GALNTL6: variants seen among roughly 807,000 people sequenced by gnomAD.
The protein encoded by GALNTL6 is polypeptide N-acetylgalactosaminyltransferase-like 6.
GALNTL6 carries 46 observed loss-of-function variants against 73.7 expected under a neutral mutation model. The observed-to-expected ratio is 0.62, with a 90% confidence interval of 0.49 to 0.80. The LOEUF is 0.80. Among genes scored for constraint, GALNTL6 ranks in the 30% least tolerant of loss-of-function variants. GALNTL6 has a pLI of 0.00. For synonymous variants in GALNTL6, 259 were observed against 263.7 expected, an observed-to-expected ratio of 0.98 and a Z score of 0.17; for missense variants, 604 against 755.0, an observed-to-expected ratio of 0.80 and a Z score of 2.34.
chr4:172,860,112 CAA>C (rs1196373880), intron 7 of GALNTL6, among the ~76,000 whole-genome samples: 2 of 152,134 alleles, frequency 1.3e-5, no homozygotes, highest in Non-Finnish European at 2.9e-5. Flanking sequence ...TCCCTGGTGC[CAA>C]AAGTTGGGGA....
intron 2 of GALNTL6, among the ~76,000 whole-genome samples, chr4:172,004,113 C>T (rs1740757389): frequency 6.6e-6 from 1 of 152,132 alleles, no homozygotes; most frequent in South Asian, 2.1e-4. Flanking sequence ...CTTTCAAGCT[C>T]TAGCTTCAAG....
At chr4:171,911,175 A>G (rs1737465318) in intron 2 of GALNTL6, among the ~76,000 whole-genome samples, 1 of 152,070 alleles carries the variant, frequency 6.6e-6, no homozygotes, top group African/African-American at 2.4e-5. Context: ...TTTCTTTTTT[A>G]TAGAGACAGA....
At chr4:172,284,669 T>G (rs746718877) in intron 3 of GALNTL6, among the ~76,000 whole-genome samples, 14 of 152,194 alleles carry the variant, frequency 9.2e-5, no homozygotes, top group Non-Finnish European at 2.1e-4. Context: ...TTGTGTATGG[T>G]GAGAGATTTG....
intron 5 of GALNTL6, among the ~76,000 whole-genome samples, chr4:172,513,827 T>A (rs1734510162): frequency 6.6e-6 from 1 of 152,102 alleles, no homozygotes; most frequent in African/African-American, 2.4e-5. Flanking sequence ...TGGAGTGAGG[T>A]GGACTCTGTG....
At chr4:172,991,550 C>T (rs1751546353) in intron 10 of GALNTL6, among the ~76,000 whole-genome samples, 1 of 151,978 alleles carries the variant, frequency 6.6e-6, no homozygotes, top group Admixed American at 6.6e-5. Flanking sequence ...CAGGGGCATG[C>T]CACCACACTC....
chr4:172,893,775 C>T (rs1746176527), intron 8 of GALNTL6, among the ~76,000 whole-genome samples: 2 of 152,190 alleles, frequency 1.3e-5, no homozygotes, highest in African/African-American at 2.4e-5. Flanking sequence ...GCAGTGTGCA[C>T]GGCAAAACCT....
intron 10 of GALNTL6, among the ~76,000 whole-genome samples, chr4:173,005,660 G>A (rs1163002628): frequency 3.9e-5 from 6 of 152,214 alleles, no homozygotes; most frequent in Non-Finnish European, 7.3e-5. Flanking sequence ...CTGGAGAGAA[G>A]CAGGTGGACA....
chr4:172,550,985 T>C (rs981492160), intron 5 of GALNTL6, among the ~76,000 whole-genome samples: 1 of 152,172 alleles, frequency 6.6e-6, no homozygotes, highest in East Asian at 1.9e-4. Context: ...TACTAAACTG[T>C]GGACAGGGTT....
intron 5 of GALNTL6, chr4:172,667,509 ATGT>A (rs1731737296): frequency 1.3e-5 from 2 of 152,124 alleles, no homozygotes; most frequent in Non-Finnish European, 2.9e-5. Context: ...AGGCTCATTC[ATGT>A]TGTTGGCAGA....
chr4:172,799,884 G>T (rs1740518302), intron 5 of GALNTL6, among the ~76,000 whole-genome samples: 1 of 152,110 alleles, frequency 6.6e-6, no homozygotes, highest in African/African-American at 2.4e-5. Context: ...ACCAACTGAT[G>T]AATGGATAAA....
chr4:172,728,846 A>T (rs2111382726), intron 5 of GALNTL6, among the ~76,000 whole-genome samples: 1 of 152,304 alleles, frequency 6.6e-6, no homozygotes, highest in South Asian at 2.1e-4. Flanking sequence ...CACTTAGCGT[A>T]TGAAGGTTGC....
At chr4:172,724,776 AT>A (rs201218791) in intron 5 of GALNTL6, among the ~76,000 whole-genome samples, 1,736 of 152,306 alleles carry the variant, frequency 0.011, 10 homozygotes, top group Non-Finnish European at 0.019. Flanking sequence ...AAAAATAGAA[AT>A]GATTCAGAAA....
intron 8 of GALNTL6, among the ~76,000 whole-genome samples, chr4:172,890,363 G>C (rs532444193): frequency 3.0e-4 from 46 of 151,886 alleles, no homozygotes; most frequent in Admixed American, 5.2e-4. Context: ...ATTTAATGTA[G>C]GTATTCAGAG....
chr4:172,430,307 AAGAG>A (rs945989671), intron 5 of GALNTL6, among the ~76,000 whole-genome samples: 6 of 151,862 alleles, frequency 4.0e-5, no homozygotes, highest in Admixed American at 1.3e-4. Context: ...GAGAGACAGA[AAGAG>A]AGAGAGAGAA....
At chr4:172,534,582 T>G (rs1309008919) in intron 5 of GALNTL6, among the ~76,000 whole-genome samples, 1 of 152,116 alleles carries the variant, frequency 6.6e-6, no homozygotes, top group Non-Finnish European at 1.5e-5. Flanking sequence ...GAGAAATTTT[T>G]TTTTTTGACG....
intron 5 of GALNTL6, among the ~76,000 whole-genome samples, chr4:172,665,371 A>C (rs1054863833): frequency 2.0e-5 from 3 of 152,240 alleles, no homozygotes; most frequent in Admixed American, 6.5e-5. Flanking sequence ...GCACTGCCTC[A>C]AATCTTCTGC....
chr4:172,985,398 T>C (rs1224265676), intron 10 of GALNTL6, among the ~76,000 whole-genome samples: 3 of 151,874 alleles, frequency 2.0e-5, no homozygotes, highest in South Asian at 2.1e-4. Flanking sequence ...AGATAGAAAA[T>C]ATTTAACATT....
chr4:172,783,261 T>A (rs1351908745), intron 5 of GALNTL6, among the ~76,000 whole-genome samples: 1 of 150,332 alleles, frequency 6.7e-6, no homozygotes, highest in Non-Finnish European at 1.5e-5. Flanking sequence ...GTTCATGGAT[T>A]TGGAAGCTTT....
intron 2 of GALNTL6, among the ~76,000 whole-genome samples, chr4:172,121,257 T>TTGTG (rs375731048): frequency 0.063 from 8,967 of 142,328 alleles, 295 homozygotes; most frequent in Middle Eastern, 0.077. Context: ...TCAAGAAGCA[T>TTGTG]TGTGTGTGTG....
Sources: gnomAD v4.1 joint callset for allele counts (sites outside exome capture counted in the v4.1 genomes callset) on GRCh38, gnomAD v4.1.1 for gene constraint, MANE v1.5 for transcripts, NCBI Gene and HGNC (gene_info 2026-07-23, HGNC 2026-07-21) for gene names.